CTNNA1: variants seen among roughly 807,000 people sequenced by gnomAD.
CTNNA1 encodes the protein catenin alpha 1.
Under a neutral mutation model 98.4 loss-of-function variants are expected in CTNNA1, and 37 were observed. That is an observed-to-expected ratio of 0.38 (90% confidence interval 0.29 to 0.49). The LOEUF is 0.49. Ranked by LOEUF, CTNNA1 falls within the 20% of genes least tolerant of loss-of-function variation. The pLI, the probability that CTNNA1 is intolerant of heterozygous loss-of-function variation, is 0.95. For missense variants in CTNNA1, 761 were observed against 1,147.2 expected (o/e 0.66, Z 4.86); for synonymous variants, 404 against 413.2 (o/e 0.98, Z 0.27).
intron 11 of CTNNA1, 131 bp downstream of exon 11, chr5:138,918,029 C>G (rs1426692506): frequency 1.0e-6 from 1 of 1,003,070 alleles, no homozygotes; most frequent in Non-Finnish European, 1.5e-6. Context: ...TGCTGGTTTT[C>G]ATTTTAATGT....
chr5:138,831,362 C>T (rs1435546305), intron 7 of CTNNA1, among the ~76,000 whole-genome samples: 1 of 152,160 alleles, frequency 6.6e-6, no homozygotes, highest in African/African-American at 2.4e-5. Context: ...AAAACACTTC[C>T]CAGTTGATTC....
At chr5:138,841,420 C>T (rs1298597383) in intron 7 of CTNNA1, among the ~76,000 whole-genome samples, 1 of 151,996 alleles carries the variant, frequency 6.6e-6, no homozygotes, top group Non-Finnish European at 1.5e-5. Context: ...CTACCACGCC[C>T]GGCTAATTTT....
intron 3 of CTNNA1, among the ~76,000 whole-genome samples, chr5:138,795,757 T>C (rs957755247): frequency 6.6e-5 from 10 of 152,150 alleles, no homozygotes; most frequent in African/African-American, 2.2e-4. Flanking sequence ...CTCTCTTTTT[T>C]TTTTCTTCCT....
intron 9 of CTNNA1, among the ~76,000 whole-genome samples, chr5:138,902,545 G>A (rs1279537582): frequency 1.3e-5 from 2 of 152,114 alleles, no homozygotes; most frequent in Non-Finnish European, 1.5e-5. Flanking sequence ...TCAGCCTCCC[G>A]AGTAGCTGGG....
At chr5:138,810,514 ATACAT>A (rs1239045662) in intron 4 of CTNNA1, among the ~76,000 whole-genome samples, 1 of 152,194 alleles carries the variant, frequency 6.6e-6, no homozygotes, top group Non-Finnish European at 1.5e-5. Context: ...AGAAACCAAG[ATACAT>A]TAAATTTTGT....
chr5:138,854,176 G>T (rs995645501), intron 7 of CTNNA1, among the ~76,000 whole-genome samples: 1 of 152,190 alleles, frequency 6.6e-6, no homozygotes, highest in African/African-American at 2.4e-5. Flanking sequence ...CTGCAAAAAT[G>T]TGTGTGGATA....
At chr5:138,890,959 T>A (rs1755219212) in intron 9 of CTNNA1, among the ~76,000 whole-genome samples, 2 of 152,138 alleles carry the variant, frequency 1.3e-5, no homozygotes, top group Non-Finnish European at 2.9e-5. Flanking sequence ...AATGCATGAT[T>A]TTTAGGTAGC....
intron 9 of CTNNA1, among the ~76,000 whole-genome samples, chr5:138,893,770 C>T (rs1486508639): frequency 2.0e-5 from 3 of 151,888 alleles, no homozygotes; most frequent in Non-Finnish European, 2.9e-5. Context: ...ATTACAGACA[C>T]GTGCCACCAC....
At chr5:138,860,014 G>GTGTGTGTGTGTGTTTAAAGAT (rs1453541865) in intron 7 of CTNNA1, among the ~76,000 whole-genome samples, 9 of 151,828 alleles carry the variant, frequency 5.9e-5, no homozygotes, top group African/African-American at 1.7e-4. Context: ...GTGTGCATGC[G>GTGTGTGTGTGTGTTTAAAGAT]TGTGTGTGTG....
chr5:138,843,177 C>G (rs1181455929), intron 7 of CTNNA1, among the ~76,000 whole-genome samples: 1 of 152,058 alleles, frequency 6.6e-6, no homozygotes, highest in Non-Finnish European at 1.5e-5. Context: ...TAAAAACATT[C>G]CAGCAGAAAA....
chr5:138,838,781 A>AT (rs959731766), intron 7 of CTNNA1, among the ~76,000 whole-genome samples: 6 of 151,712 alleles, frequency 4.0e-5, no homozygotes, highest in South Asian at 2.1e-4. Context: ...AATTATTTTT[A>AT]TTTTTTTGTT....
chr5:138,821,559 C>T (rs1333664506), intron 5 of CTNNA1, among the ~76,000 whole-genome samples: 1 of 151,924 alleles, frequency 6.6e-6, no homozygotes, highest in African/African-American at 2.4e-5. Context: ...CCATTTGTAT[C>T]CAAGAGAAAT....
chr5:138,763,582 G>A (rs1235792441), intron 1 of CTNNA1, among the ~76,000 whole-genome samples: 2 of 152,146 alleles, frequency 1.3e-5, no homozygotes, highest in African/African-American at 4.8e-5. Context: ...GAACTCAAGC[G>A]ATCTGCCCAC....
intron 17 of CTNNA1, 28 bp from the exon 18 acceptor site, chr5:138,933,762 GTCAGGCCGGTGC>G (rs1468237333): frequency 6.3e-7 from 1 of 1,596,718 alleles, no homozygotes; most frequent in Admixed American, 1.7e-5. Context: ...GAGGCTGGAG[GTCAGGCCGGTGC>G]TTCTTACCAC....
At chr5:138,896,126 C>T (rs1756742561) in intron 9 of CTNNA1, among the ~76,000 whole-genome samples, 1 of 152,162 alleles carries the variant, frequency 6.6e-6, no homozygotes, top group Non-Finnish European at 1.5e-5. Context: ...AGAATAAAAA[C>T]CACATATTGA....
chr5:138,881,353 G>C (rs1275141504), intron 7 of CTNNA1, among the ~76,000 whole-genome samples: 1 of 152,182 alleles, frequency 6.6e-6, no homozygotes, highest in Non-Finnish European at 1.5e-5. Context: ...GTTCAGCTTA[G>C]GCAGAGCCCA....
intron 4 of CTNNA1, 134 bp downstream of exon 4, chr5:138,810,338 G>A (rs1758552782): frequency 2.2e-6 from 2 of 927,710 alleles, no homozygotes; most frequent in South Asian, 1.7e-5. Flanking sequence ...AGATGTTTTT[G>A]TTTAATTTCC....
rs758599826 is a variant in CTNNA1 at position 138,810,121 on chromosome 5, C to T, written c.385C>T (p.Arg129Ter). ...GCGAGGCAACATGGTTCGGGCAGCT[C>T]GAGCTTTGCTCTCTGCTGTTACCCG... ...VKRGNMVRAA[R>*]ALLSAVTRLL... Residue 129 changes from arginine to a stop codon, truncating the protein, a stop_gained, in exon 4 of 18, where the codon CGA (arginine) becomes TGA (stop). Coordinates refer to ENST00000302763, the MANE Select transcript of CTNNA1 (RefSeq NM_001903.5). LOFTEE classifies it high-confidence loss of function. 3 of 1,614,150 alleles carry T rather than the reference C, an allele frequency of 1.9e-6. No individual in the cohort carries two copies. Among genetic ancestry groups the T allele is most frequent in the Non-Finnish European group, 2.5e-6 (3 of 1,180,024 alleles).
At chr5:138,780,862 A>G (rs569475002) in intron 1 of CTNNA1, among the ~76,000 whole-genome samples, 1 of 152,286 alleles carries the variant, frequency 6.6e-6, no homozygotes, top group Non-Finnish European at 1.5e-5. Flanking sequence ...TAGAAAGTTT[A>G]TATTAGTGTT....
Sources: allele counts gnomAD v4.1 joint callset (sites outside exome capture counted in the v4.1 genomes callset), GRCh38; gene constraint gnomAD v4.1.1; transcripts MANE v1.5; gene names NCBI Gene and HGNC (gene_info 2026-07-23, HGNC 2026-07-21).